ABHD13: variants seen among roughly 807,000 people sequenced by gnomAD.
The protein encoded by ABHD13 is protein ABHD13.
ABHD13 carries 7 observed loss-of-function variants against 25.2 expected under a neutral mutation model. The ratio of observed to expected loss-of-function variants is 0.28; its 90% confidence interval spans 0.16 to 0.52. ABHD13 has a LOEUF of 0.52. Among genes scored for constraint, ABHD13 ranks in the 20% least tolerant of loss-of-function variants. The pLI is 0.96. For synonymous variants in ABHD13, 133 were observed against 136.1 expected (o/e 0.98, Z 0.16); for missense variants, 302 against 402.7 (o/e 0.75, Z 2.14).
Position 108,229,666 on chromosome 13 carries a change from T to C in ABHD13, c.448T>C (p.Tyr150His). The C allele has an allele frequency of 1.2e-6, 2 of 1,613,348 alleles. No homozygotes were observed. The highest frequency in any genetic ancestry group is 1.7e-6 in the Non-Finnish European group (2 of 1,179,570). ...CAAAGTTAACCTTTTGCTGGTTGAT[T>C]ATCGAGGATATGGAAAAAGTGAAGG... is the stretch of plus-strand genomic sequence containing the variant. ...NLKVNLLLVD[Y>H]RGYGKSEGEA... The change falls in exon 2 of 2, where the codon TAT becomes CAT. Residue 150 changes from tyrosine (Y) to histidine (H), a missense_variant. Transcript: ENST00000375898. This position sits in a 1 kb window ranked among gnomAD's most constrained non-coding sequence, Gnocchi z 4.7.
rs140980834 is a variant in ABHD13, at chr13:108,229,638, C to T, written c.420C>T (p.Asn140=). The T allele has an allele frequency of 6.2e-7, 1 of 1,613,280 alleles. No individual in the cohort carries two copies. Residue 140 remains asparagine, a synonymous_variant, in exon 2 of 2, where the codon AAC becomes AAT. Coordinates refer to ENST00000375898, the MANE Select transcript of ABHD13 (RefSeq NM_032859.3). This position sits in a 1 kb window ranked among gnomAD's most constrained non-coding sequence, Gnocchi z 4.7. ...RLPNALLMLV[N]LKVNLLLVDY... ...CAAATGCATTACTTATGTTGGTTAA[C>T]CTCAAAGTTAACCTTTTGCTGGTTG...
chr13:108,224,727 G>A (rs1398946426), intron 1 of ABHD13, among the ~76,000 whole-genome samples: 3 of 152,036 alleles, frequency 2.0e-5, no homozygotes, highest in Admixed American at 6.6e-5. Flanking sequence ...TTGTATACCC[G>A]TCATGGACTT....
Position 108,230,075 on chromosome 13 carries a change from G to T in ABHD13, c.857G>T (p.Arg286Leu), listed in dbSNP as rs746513580. 1 of 1,612,860 alleles carries T rather than the reference G, an allele frequency of 6.2e-7. No homozygotes were observed. Among genetic ancestry groups the T allele is most frequent in the South Asian group, 1.1e-5 (1 of 91,052 alleles). The change falls in exon 2 of 2, where the codon CGG (arginine) becomes CTG (leucine). Residue 286 changes from arginine (R) to leucine (L), a missense_variant. Coordinates refer to ENST00000375898, the MANE Select transcript of ABHD13 (RefSeq NM_032859.3). ...CAACTTTATGAACTCTCCCCATCTCGGACTAAGAGATTAGCCATTTTTCCA... is the reference window on the plus strand; with the variant it reads ...CAACTTTATGAACTCTCCCCATCTCTGACTAAGAGATTAGCCATTTTTCCA... The part of the protein sequence containing the change: ...MKQLYELSPS[R>L]TKRLAIFPDG...
Position 108,229,662 on chromosome 13 carries a change from T to G in ABHD13, c.444T>G (p.Val148=), listed in dbSNP as rs200303841. The G allele has an allele frequency of 8.9e-5, 144 of 1,613,292 alleles. No homozygotes were observed. Among genetic ancestry groups the G allele is most frequent in the Non-Finnish European group, 1.1e-4 (132 of 1,179,608 alleles). Residue 148 remains valine, a synonymous_variant, in exon 2 of 2, where the codon GTT becomes GTG. Transcript: ENST00000375898. This position sits in a 1 kb window ranked among gnomAD's most constrained non-coding sequence, Gnocchi z 4.7. Reference sequence around the variant, plus strand: ...ACCTCAAAGTTAACCTTTTGCTGGTTGATTATCGAGGATATGGAAAAAGTG... The same window carrying G: ...ACCTCAAAGTTAACCTTTTGCTGGTGGATTATCGAGGATATGGAAAAAGTG... The part of the protein sequence containing the change: ...LVNLKVNLLL[V]DYRGYGKSEG...
chr13:108,230,306 G>A lies in ABHD13; in HGVS notation c.*74G>A, dbSNP rs980219844. 9 of 1,277,902 alleles carry A rather than the reference G, an allele frequency of 7.0e-6. No homozygotes were observed. Among genetic ancestry groups the A allele is most frequent in the Non-Finnish European group, 6.4e-6 (6 of 938,748 alleles). The allele number at this position is 1,277,902 out of a possible 1,614,324, so 79.2% of individuals were successfully genotyped here. A position where few individuals can be genotyped will look rare whatever the true frequency, so the allele number is the denominator to read the frequency against. On this transcript the variant is annotated 3_prime_UTR_variant, in exon 2 of 2. Coordinates refer to ENST00000375898, the MANE Select transcript of ABHD13 (RefSeq NM_032859.3). ...TAAAGAATGTTCCTTTTAGAAGTGT[G>A]TTATGTCTGTACCTGTCTGAAGAGT...
chr13:108,231,246 G>A lies in ABHD13; in HGVS notation c.*1014G>A, dbSNP rs1265610965. 1 of 166,648 alleles carries A rather than the reference G, an allele frequency of 6.0e-6. No individual in the cohort carries two copies. The highest frequency in any genetic ancestry group is 2.4e-5 in the African/African-American group (1 of 41,364). The allele number at this position is 166,648 out of a possible 1,614,324, so 10.3% of individuals were successfully genotyped here. The stretch of plus-strand genomic sequence containing the variant: ...ATCAAAGGCAAGATATCATTTATTG[G>A]ACTTCTTGAAAATAAAAGTTACAAA... On this transcript the variant is annotated 3_prime_UTR_variant, in exon 2 of 2. Coordinates refer to ENST00000375898, the MANE Select transcript of ABHD13 (RefSeq NM_032859.3).
At chr13:108,221,235 A>G (rs1259934191) in intron 1 of ABHD13, among the ~76,000 whole-genome samples, 2 of 152,230 alleles carry the variant, frequency 1.3e-5, no homozygotes, top group Non-Finnish European at 2.9e-5. Flanking sequence ...CTTTTTCATT[A>G]TTGATGGCAT....
At chr13:108,226,245 T>G (rs1879668884) in intron 1 of ABHD13, among the ~76,000 whole-genome samples, 1 of 152,016 alleles carries the variant, frequency 6.6e-6, no homozygotes. Context: ...AGGGTGGGAG[T>G]GAGCACCACC....
At chr13:108,222,068 G>A (rs1261025256) in intron 1 of ABHD13, among the ~76,000 whole-genome samples, 1 of 152,006 alleles carries the variant, frequency 6.6e-6, no homozygotes, top group Non-Finnish European at 1.5e-5. Flanking sequence ...TCAAACTCCT[G>A]AGCTCAGGCA....
intron 1 of ABHD13, among the ~76,000 whole-genome samples, chr13:108,224,832 C>T (rs1879640429): frequency 6.6e-6 from 1 of 152,180 alleles, no homozygotes; most frequent in Non-Finnish European, 1.5e-5. Flanking sequence ...TATTAAATTG[C>T]ATCAGATGAT....
At chr13:108,220,091 C>T (rs966278299) in intron 1 of ABHD13, among the ~76,000 whole-genome samples, 2 of 152,130 alleles carry the variant, frequency 1.3e-5, no homozygotes, top group Admixed American at 1.3e-4. Context: ...ATCTTTCATC[C>T]TCCTTTTACA....
intron 1 of ABHD13, among the ~76,000 whole-genome samples, chr13:108,228,603 G>C (rs1228801498): frequency 6.7e-6 from 1 of 149,388 alleles, no homozygotes; most frequent in Non-Finnish European, 1.5e-5. Context: ...GTTTTTTTTT[G>C]TTTTATTTTG....
Position 108,229,066 on chromosome 13 carries a change from T to G in ABHD13, c.-20-133T>G, listed in dbSNP as rs1014957635. ...GGACAAGGGAAATTATAGCAGCTAC[T>G]TTTGTGGATGGACTGTACCTATTAC... On this transcript the variant is annotated intron_variant, in intron 1 of 1. Coordinates refer to ENST00000375898, the MANE Select transcript of ABHD13 (RefSeq NM_032859.3). This position sits in a 1 kb window ranked among gnomAD's most constrained non-coding sequence, Gnocchi z 4.7. 8.8e-6 allele frequency: 5 copies of G among 569,378 alleles called. No individual in the cohort carries two copies. Among genetic ancestry groups the G allele is most frequent in the African/African-American group, 2.0e-5 (1 of 51,064 alleles). The allele number at this position is 569,378 out of a possible 1,614,324, so 35.3% of individuals were successfully genotyped here.
chr13:108,227,396 C>T (rs187533992), intron 1 of ABHD13, among the ~76,000 whole-genome samples: 1,890 of 151,794 alleles, frequency 0.012, 19 homozygotes, highest in Non-Finnish European at 0.018. Context: ...ATATACAATT[C>T]CTAGTCTTAT....
chr13:108,230,170 G>A lies in ABHD13; in HGVS notation c.952G>A (p.Val318Ile). 1.2e-6 allele frequency: 2 copies of A among 1,611,582 alleles called. No homozygotes were observed. Among genetic ancestry groups the A allele is most frequent in the South Asian group, 1.1e-5 (1 of 90,646 alleles). Residue 318 changes from valine to isoleucine, a missense_variant, in exon 2 of 2, where the codon GTC becomes ATC. Physicochemically the swap from Val to Ile is conservative, Grantham distance 29. Coordinates refer to ENST00000375898, the MANE Select transcript of ABHD13 (RefSeq NM_032859.3). ...TGCACTTGAACAGTTCATCAAAGAA[G>A]TCGTAAAGAGCCATTCTCCTGAAGA... is the stretch of plus-strand genomic sequence containing the variant. ...FTALEQFIKE[V>I]VKSHSPEEMA...
At chr13:108,223,429 TC>T (rs1428932177) in intron 1 of ABHD13, among the ~76,000 whole-genome samples, 1 of 152,268 alleles carries the variant, frequency 6.6e-6, no homozygotes, top group Non-Finnish European at 1.5e-5. Flanking sequence ...TATGTGCACT[TC>T]CAGTGTTGTC....
Position 108,229,889 on chromosome 13 carries a change from A to T in ABHD13, c.671A>T (p.His224Leu), listed in dbSNP as rs748544264. ...GAGAACACATTTTTAAGCATACCACATATGGCCAGCACTTTATTTTCATTC... is the reference window on the plus strand; with the variant it reads ...GAGAACACATTTTTAAGCATACCACTTATGGCCAGCACTTTATTTTCATTC... Reference protein sequence around the residue: ...MVENTFLSIPHMASTLFSFFP... With the variant: ...MVENTFLSIPLMASTLFSFFP... Residue 224 changes from histidine to leucine, a missense_variant, in exon 2 of 2, where the codon CAT (histidine) becomes CTT (leucine). Physicochemically the swap from His to Leu is moderately conservative, Grantham distance 99. Transcript: ENST00000375898. This position sits in a 1 kb window ranked among gnomAD's most constrained non-coding sequence, Gnocchi z 4.7. 1 of 1,613,430 alleles carries T rather than the reference A, an allele frequency of 6.2e-7. No homozygotes were observed. The highest frequency in any genetic ancestry group is 1.7e-5 in the Admixed American group (1 of 59,948).
At chr13:108,223,707 T>G (rs1342435443) in intron 1 of ABHD13, among the ~76,000 whole-genome samples, 5 of 152,226 alleles carry the variant, frequency 3.3e-5, no homozygotes, top group Admixed American at 6.5e-5. Flanking sequence ...TATTTTAGTA[T>G]TATTATGAGC....
chr13:108,225,835 T>G (rs1454655380), intron 1 of ABHD13, among the ~76,000 whole-genome samples: 1 of 152,188 alleles, frequency 6.6e-6, no homozygotes, highest in Non-Finnish European at 1.5e-5. Flanking sequence ...CATTTCTATA[T>G]TCTACATGGA....
Sources: allele counts gnomAD v4.1 joint callset (sites outside exome capture counted in the v4.1 genomes callset), GRCh38; gene constraint gnomAD v4.1.1; non-coding constraint Gnocchi (gnomAD v3.1); transcripts MANE v1.5; gene names NCBI Gene and HGNC (gene_info 2026-07-23, HGNC 2026-07-21).